Variants in PAPPA2 observed in about 807,000 individuals in gnomAD.
PAPPA2 encodes pappalysin-2.
In PAPPA2, 86 loss-of-function variants were observed where a neutral mutation model predicts 176.4. That is an observed-to-expected ratio of 0.49 (90% CI 0.41 to 0.58). The LOEUF is 0.58. Ranked by LOEUF, PAPPA2 falls within the 20% of genes least tolerant of loss-of-function variation. PAPPA2 has a pLI of 0.00. For synonymous variants in PAPPA2, 809 were observed against 852.2 expected (o/e 0.95, Z 0.88); for missense variants, 2,073 against 2,256.9 (o/e 0.92, Z 1.65).
At chr1:176,565,044 T>C (rs2102603835) in intron 2 of PAPPA2, among the ~76,000 whole-genome samples, 1 of 152,332 alleles carries the variant, frequency 6.6e-6, no homozygotes, top group Non-Finnish European at 1.5e-5. Flanking sequence ...TATCATACAA[T>C]GTATGATCTT....
intron 1 of PAPPA2, among the ~76,000 whole-genome samples, chr1:176,551,603 A>C (rs1472723859): frequency 6.6e-6 from 1 of 152,144 alleles, no homozygotes; most frequent in Non-Finnish European, 1.5e-5. Context: ...AAGACTCTTA[A>C]TAATAATGAT....
intron 12 of PAPPA2, among the ~76,000 whole-genome samples, chr1:176,739,396 AAGAT>A (rs1414640229): frequency 3.3e-5 from 5 of 152,168 alleles, no homozygotes; most frequent in Non-Finnish European, 5.9e-5. Context: ...GTCTCAGAAA[AAGAT>A]AGGATGTTCA....
In PAPPA2 at chr1:176,843,287, G is replaced by C. The variant is rs958503792; in HGVS notation, c.*833G>C. ...GCCCATTTTATGACCAAGGAGATGG[G>C]GAGTTGGAATGGTGGTACTAAGAGG... is the stretch of plus-strand genomic sequence containing the variant. On this transcript the variant is annotated 3_prime_UTR_variant, in exon 23 of 23. Coordinates refer to ENST00000367662, the MANE Select transcript of PAPPA2 (RefSeq NM_020318.3). 1.3e-5 allele frequency: 2 copies of C among 152,106 alleles called. No homozygotes were observed. The highest frequency in any genetic ancestry group is 2.9e-5 in the Non-Finnish European group (2 of 68,044). The allele number at this position is 152,106 out of a possible 1,614,324, so 9.4% of individuals were successfully genotyped here.
At chr1:176,822,054 C>T (rs1308657593) in intron 21 of PAPPA2, among the ~76,000 whole-genome samples, 1 of 152,168 alleles carries the variant, frequency 6.6e-6, no homozygotes. Flanking sequence ...CTGCCTCCCA[C>T]TCACCCCACA....
chr1:176,536,197 T>C (rs1480757941), intron 1 of PAPPA2, among the ~76,000 whole-genome samples: 2 of 152,234 alleles, frequency 1.3e-5, no homozygotes, highest in Non-Finnish European at 2.9e-5. Flanking sequence ...ACTTGCTTTG[T>C]CTAATGTTTT....
In PAPPA2 at chr1:176,725,524, T is replaced by G. The variant is rs542696788; in HGVS notation, c.3798+13543T>G. The stretch of plus-strand genomic sequence containing the variant: ...GTACATACATAGCAGTGGGCATGTT[T>G]ACAAAAATATGATAGAAGACACAAA... On this transcript the variant is annotated intron_variant, in intron 12 of 22. Coordinates refer to ENST00000367662, the MANE Select transcript of PAPPA2 (RefSeq NM_020318.3). 9.2e-5 allele frequency among the ~76,000 whole-genome samples: 14 copies of G among 152,294 alleles called. No individual in the cohort carries two copies. The South Asian group carries it at 1.2e-3, about 14-fold the overall frequency.
intron 12 of PAPPA2, among the ~76,000 whole-genome samples, chr1:176,730,184 A>T (rs187286487): frequency 6.6e-6 from 1 of 151,936 alleles, no homozygotes; most frequent in Non-Finnish European, 1.5e-5. Flanking sequence ...AGCCACTTGT[A>T]TAAAATAAGG....
At chr1:176,649,287 T>C (rs1359818686) in intron 3 of PAPPA2, among the ~76,000 whole-genome samples, 5 of 151,426 alleles carry the variant, frequency 3.3e-5, no homozygotes, top group Non-Finnish European at 7.4e-5. Flanking sequence ...GGGGTCCTTT[T>C]TGCTGAATTC....
chr1:176,530,542 G>A (rs542134774), intron 1 of PAPPA2, among the ~76,000 whole-genome samples: 108 of 152,024 alleles, frequency 7.1e-4, no homozygotes, highest in African/African-American at 2.5e-3. Context: ...TTTAGGTCTT[G>A]TTAAATCAAA....
intron 2 of PAPPA2, among the ~76,000 whole-genome samples, chr1:176,577,045 T>C (rs1457725564): frequency 6.6e-6 from 1 of 152,170 alleles, no homozygotes; most frequent in African/African-American, 2.4e-5. Context: ...TTAGATAGTG[T>C]AGAAAATGTT....
intron 3 of PAPPA2, among the ~76,000 whole-genome samples, chr1:176,647,651 C>T (rs1214310001): frequency 6.6e-6 from 1 of 151,678 alleles, no homozygotes; most frequent in Non-Finnish European, 1.5e-5. Context: ...GTTTTCCCAG[C>T]ACTATTTATT....
At chr1:176,822,155 T>A (rs1451172564) in intron 21 of PAPPA2, among the ~76,000 whole-genome samples, 1 of 152,190 alleles carries the variant, frequency 6.6e-6, no homozygotes, top group African/African-American at 2.4e-5. Context: ...TCTCATTCTT[T>A]GAGCAAAAGT....
At chr1:176,480,793 A>G (rs548662343) in intron 1 of PAPPA2, among the ~76,000 whole-genome samples, 5 of 146,616 alleles carry the variant, frequency 3.4e-5, no homozygotes, top group Admixed American at 2.8e-4. Context: ...GGCTCTTGCC[A>G]TCTTGCCAGC....
intron 14 of PAPPA2, among the ~76,000 whole-genome samples, chr1:176,755,944 A>G (rs1663394853): frequency 6.6e-6 from 1 of 152,202 alleles, no homozygotes; most frequent in Non-Finnish European, 1.5e-5. Flanking sequence ...TATGAGGAAG[A>G]CAAAATATAT....
At chr1:176,831,006 A>G (rs1390741315) in intron 21 of PAPPA2, among the ~76,000 whole-genome samples, 1 of 152,242 alleles carries the variant, frequency 6.6e-6, no homozygotes, top group Non-Finnish European at 1.5e-5. Flanking sequence ...TGAATTGTAC[A>G]GGATCAGCTT....
At chr1:176,499,432 A>G (rs537776425) in intron 1 of PAPPA2, among the ~76,000 whole-genome samples, 3 of 152,336 alleles carry the variant, frequency 2.0e-5, no homozygotes, top group East Asian at 3.9e-4. Context: ...AAACTCTGCC[A>G]GGTGGTTTAT....
chr1:176,466,708 A>T (rs1351459661), intron 1 of PAPPA2, among the ~76,000 whole-genome samples: 1 of 152,186 alleles, frequency 6.6e-6, no homozygotes, highest in African/African-American at 2.4e-5. Context: ...GTGGTTTGCC[A>T]TGGGCTATGA....
At chr1:176,567,931 G>A (rs372718943) in intron 2 of PAPPA2, among the ~76,000 whole-genome samples, 3 of 152,226 alleles carry the variant, frequency 2.0e-5, no homozygotes, top group Admixed American at 2.0e-4. Context: ...TAAAGTAGGT[G>A]CATTGGATTT....
intron 3 of PAPPA2, among the ~76,000 whole-genome samples, chr1:176,597,703 G>T (rs1363283545): frequency 1.3e-5 from 2 of 152,108 alleles, no homozygotes; most frequent in African/African-American, 2.4e-5. Flanking sequence ...AAGAAGAAAA[G>T]AAAATTGTGT....
Sources: allele counts gnomAD v4.1 joint callset (sites outside exome capture counted in the v4.1 genomes callset), GRCh38; gene constraint gnomAD v4.1.1; transcripts MANE v1.5; gene names NCBI Gene and HGNC (gene_info 2026-07-23, HGNC 2026-07-21).